PTPRD: variants seen among roughly 807,000 people sequenced by gnomAD.
The protein encoded by PTPRD is receptor-type tyrosine-protein phosphatase delta.
PTPRD carries 34 observed loss-of-function variants against 214.5 expected under a neutral mutation model. The observed-to-expected ratio is 0.16, with a 90% CI of 0.12 to 0.21. The LOEUF (loss-of-function observed/expected upper bound fraction) is 0.21, where lower values mean the gene tolerates loss of function less well. Among genes scored for constraint, PTPRD ranks in the 10% least tolerant of loss-of-function variants. PTPRD has a pLI of 1.00. For missense variants in PTPRD, 2,545 were observed against 2,398.7 expected, an observed-to-expected ratio of 1.06 and a Z score of -1.27; for synonymous variants, 1,128 against 845.7, an observed-to-expected ratio of 1.33 and a Z score of -5.79.
At chr9:8,953,562 C>G (rs1019340773) in intron 11 of PTPRD, among the ~76,000 whole-genome samples, 1 of 151,970 alleles carries the variant, frequency 6.6e-6, no homozygotes, top group African/African-American at 2.4e-5. Flanking sequence ...AACAGACAAC[C>G]TACAGAGTGG....
chr9:9,919,056 C>T (rs774326460), intron 5 of PTPRD, among the ~76,000 whole-genome samples: 9 of 151,962 alleles, frequency 5.9e-5, no homozygotes, highest in Non-Finnish European at 1.3e-4. Flanking sequence ...CTTTTATTTG[C>T]TAATGTTAAA....
At chr9:9,900,717 A>G (rs931493251) in intron 5 of PTPRD, among the ~76,000 whole-genome samples, 1 of 148,952 alleles carries the variant, frequency 6.7e-6, no homozygotes, top group African/African-American at 2.6e-5. Context: ...GCTCACTGCA[A>G]CCTCTGCCTC....
chr9:8,906,261 G>T (rs570180015), intron 11 of PTPRD, among the ~76,000 whole-genome samples: 11 of 152,210 alleles, frequency 7.2e-5, no homozygotes, highest in Admixed American at 3.9e-4. Context: ...TGATAGCAAG[G>T]AGCTAAGCAC....
chr9:9,828,164 A>G (rs2053608802), intron 5 of PTPRD, among the ~76,000 whole-genome samples: 1 of 152,102 alleles, frequency 6.6e-6, no homozygotes, highest in African/African-American at 2.4e-5. Flanking sequence ...GTATATACCC[A>G]AAGGATTATA....
chr9:9,527,191 A>G (rs2074325956), intron 8 of PTPRD, among the ~76,000 whole-genome samples: 1 of 152,204 alleles, frequency 6.6e-6, no homozygotes. Flanking sequence ...ATAGATTACT[A>G]TCTTGAATGT....
intron 10 of PTPRD, among the ~76,000 whole-genome samples, chr9:9,067,379 A>G (rs2154405895): frequency 6.6e-6 from 1 of 152,340 alleles, no homozygotes; most frequent in South Asian, 2.1e-4. Flanking sequence ...ATTTACGTTT[A>G]TGCCTTTCTA....
chr9:9,096,427 A>C (rs1461789701), intron 10 of PTPRD, among the ~76,000 whole-genome samples: 1 of 152,232 alleles, frequency 6.6e-6, no homozygotes, highest in Non-Finnish European at 1.5e-5. Flanking sequence ...CATTTTGGTT[A>C]AACTCCAGCA....
In PTPRD at chr9:9,738,439, C is replaced by CTTTTTTTTTTTTT. The variant is rs71319292; in HGVS notation, c.-325-3881_-325-3869dup. Reference sequence around the variant, plus strand: ...TGTATTAAAATTCTTCACTCACTCACTTTTTTTTTTTTTTTTTTTTTTGAG... The same window carrying CTTTTTTTTTTTTT: ...TGTATTAAAATTCTTCACTCACTCACTTTTTTTTTTTTTTTTTTTTTTTTTTTTTTTTTTTGAG... On this transcript the variant is annotated intron_variant, in intron 6 of 45. Coordinates refer to ENST00000381196, the MANE Select transcript of PTPRD (RefSeq NM_002839.4). Among the ~76,000 whole-genome samples the CTTTTTTTTTTTTT allele has an allele frequency of 1.1e-3, 85 of 76,510 alleles. 13 individuals are homozygous for CTTTTTTTTTTTTT. Among genetic ancestry groups the CTTTTTTTTTTTTT allele is most frequent in the African/African-American group, 2.4e-3 (38 of 15,718 alleles). The allele number at this position is 76,510 out of a possible 152,430, so 50.2% of individuals were successfully genotyped here. A position where few individuals can be genotyped will look rare whatever the true frequency, so the allele number is the denominator to read the frequency against.
chr9:9,266,921 G>C (rs1594834526), intron 9 of PTPRD, among the ~76,000 whole-genome samples: 2 of 150,874 alleles, frequency 1.3e-5, no homozygotes, highest in South Asian at 4.2e-4. Context: ...TAATGCCAAA[G>C]TTAGAAGGAA....
chr9:8,958,654 G>C (rs1199859513), intron 11 of PTPRD: 1 of 151,898 alleles, frequency 6.6e-6, no homozygotes, highest in East Asian at 1.9e-4. Context: ...GAGCCAATAA[G>C]GTACAGAAGG....
At chr9:9,307,207 G>A (rs1333106) in intron 9 of PTPRD, among the ~76,000 whole-genome samples, 108,985 of 152,030 alleles carry the variant, frequency 0.72, 39,361 homozygotes, top group African/African-American at 0.78. Flanking sequence ...TTGTTTGGAT[G>A]GAGAGAAAAA....
chr9:9,323,815 A>G (rs1225233411), intron 9 of PTPRD, among the ~76,000 whole-genome samples: 1 of 152,066 alleles, frequency 6.6e-6, no homozygotes, highest in East Asian at 1.9e-4. Flanking sequence ...TACATTAGGT[A>G]TTTCTCCTAA....
At chr9:10,331,242 T>TA (rs1419853841) in intron 3 of PTPRD, among the ~76,000 whole-genome samples, 8 of 151,554 alleles carry the variant, frequency 5.3e-5, no homozygotes, top group Admixed American at 3.3e-4. Context: ...GCTACTGCAA[T>TA]AAAAACAGCA....
At chr9:9,240,832 C>A (rs1343745166) in intron 9 of PTPRD, among the ~76,000 whole-genome samples, 1 of 152,172 alleles carries the variant, frequency 6.6e-6, no homozygotes, top group Admixed American at 6.6e-5. Context: ...ATCAATTTCG[C>A]TCATCAGGTT....
intron 2 of PTPRD, among the ~76,000 whole-genome samples, chr9:10,582,429 C>A (rs1028192569): frequency 6.6e-6 from 1 of 152,104 alleles, no homozygotes; most frequent in African/African-American, 2.4e-5. Flanking sequence ...TGTTAAAGTT[C>A]TCCTCAAATC....
In PTPRD at chr9:10,190,718, C is replaced by CAAAA. The variant is rs57891244; in HGVS notation, c.-545+150241_-545+150244dup. Among the ~76,000 whole-genome samples the CAAAA allele has an allele frequency of 8.4e-4, 37 of 44,182 alleles. 2 individuals are homozygous for CAAAA. The highest frequency in any genetic ancestry group is 2.2e-3 in the African/African-American group (28 of 12,700). 29.0% of individuals were successfully genotyped at this position (44,182 alleles called of 152,430 possible). A position where few individuals can be genotyped will look rare whatever the true frequency, so the allele number is the denominator to read the frequency against. On this transcript the variant is annotated intron_variant, in intron 3 of 45. Transcript: ENST00000381196. Reference sequence around the variant, plus strand: ...GGGCAACAAGAGCAAAACTCTGTCTCAAAAAAAAAAAAAAAAAAAAAAAAA... The same window carrying CAAAA: ...GGGCAACAAGAGCAAAACTCTGTCTCAAAAAAAAAAAAAAAAAAAAAAAAAAAAA...
At chr9:9,699,383 T>C (rs533135744) in intron 7 of PTPRD, among the ~76,000 whole-genome samples, 2 of 152,332 alleles carry the variant, frequency 1.3e-5, no homozygotes, top group Admixed American at 1.3e-4. Context: ...TGTGGATTTA[T>C]ACTTAAGCTA....
intron 2 of PTPRD, among the ~76,000 whole-genome samples, chr9:10,562,012 G>T (rs924708680): frequency 7.2e-5 from 11 of 152,054 alleles, no homozygotes; most frequent in Admixed American, 3.9e-4. Flanking sequence ...GGCTACATTT[G>T]TAAGTAATGA....
intron 9 of PTPRD, among the ~76,000 whole-genome samples, chr9:9,293,365 T>C (rs1951832209): frequency 6.6e-6 from 1 of 150,910 alleles, no homozygotes; most frequent in East Asian, 2.0e-4. Flanking sequence ...TCCTTTTACA[T>C]ACTCCCATCA....
Sources: allele counts gnomAD v4.1 joint callset (sites outside exome capture counted in the v4.1 genomes callset), GRCh38; gene constraint gnomAD v4.1.1; transcripts MANE v1.5; gene names NCBI Gene and HGNC (gene_info 2026-07-23, HGNC 2026-07-21).